Variants in AFG2A observed in about 807,000 individuals in gnomAD.
The protein encoded by AFG2A is AAA ATPase AFG2A.
At chr4:123,059,479 G>T in the AFG2A span, among the ~76,000 whole-genome samples, 4 of 151,896 alleles carry the variant, frequency 2.6e-5, no homozygotes, top group South Asian at 4.2e-4. Flanking sequence ...CAAAGGACAT[G>T]AACTCATCAT....
chr4:123,136,450 C>T, the AFG2A span, among the ~76,000 whole-genome samples: 3 of 151,714 alleles, frequency 2.0e-5, no homozygotes, highest in East Asian at 3.9e-4. Context: ...GGGCGGATCA[C>T]GAGGTCAGGA....
chr4:123,172,586 A>T, the AFG2A span, among the ~76,000 whole-genome samples: 1 of 152,220 alleles, frequency 6.6e-6, no homozygotes, highest in African/African-American at 2.4e-5. Flanking sequence ...ATGATTCAGG[A>T]ACTGGGTTCA....
At chr4:123,251,277 C>T in the AFG2A span, among the ~76,000 whole-genome samples, 5 of 152,124 alleles carry the variant, frequency 3.3e-5, no homozygotes, top group Non-Finnish European at 7.4e-5. Flanking sequence ...AATAACCAAG[C>T]TCTCCAAGGC....
chr4:123,199,575 G>A, the AFG2A span, among the ~76,000 whole-genome samples: 1 of 145,320 alleles, frequency 6.9e-6, no homozygotes, highest in Non-Finnish European at 1.5e-5. Context: ...GGGTTCAAGC[G>A]ATTCTCCCAC....
chr4:123,123,676 G>A, the AFG2A span, among the ~76,000 whole-genome samples: 1 of 151,918 alleles, frequency 6.6e-6, no homozygotes. Context: ...GGCCGGGCGC[G>A]GTGGCTCACG....
At chr4:123,057,232 G>T in the AFG2A span, 1 of 1,613,886 alleles carries the variant, frequency 6.2e-7, no homozygotes, top group Non-Finnish European at 8.5e-7. Flanking sequence ...CAAGAGCAGT[G>T]GCGCCTTCCA....
At chr4:122,979,431 C>T in the AFG2A span, 3 of 1,569,168 alleles carry the variant, frequency 1.9e-6, no homozygotes, top group Non-Finnish European at 2.6e-6. Context: ...TTGAATTAAA[C>T]TCTGAAAAAA....
the AFG2A span, among the ~76,000 whole-genome samples, chr4:123,075,146 A>G: frequency 6.6e-6 from 1 of 151,164 alleles, no homozygotes; most frequent in East Asian, 2.0e-4. Context: ...GGGTTTCACC[A>G]TGTTGGCCAG....
chr4:123,318,776 AGGG>A, the AFG2A span: 1 of 57,366 alleles, frequency 1.7e-5, no homozygotes, highest in African/African-American at 3.7e-5. Flanking sequence ...AAAAAAAAAA[AGGG>A]GGGAACAGTG....
the AFG2A span, among the ~76,000 whole-genome samples, chr4:123,125,564 C>T: frequency 6.6e-6 from 1 of 152,184 alleles, no homozygotes; most frequent in East Asian, 1.9e-4. Context: ...TCACCAGTGA[C>T]TACTGAACAA....
the AFG2A span, among the ~76,000 whole-genome samples, chr4:123,296,758 AAAATATTAAG>A: frequency 6.6e-6 from 1 of 152,214 alleles, no homozygotes; most frequent in Non-Finnish European, 1.5e-5. Context: ...CTATCGTTAA[AAAATATTAAG>A]AAGAAAACAA....
chr4:123,133,148 G>A, the AFG2A span, among the ~76,000 whole-genome samples: 1 of 152,164 alleles, frequency 6.6e-6, no homozygotes, highest in Non-Finnish European at 1.5e-5. Context: ...AAGATAATGG[G>A]TTTGTTCGAG....
the AFG2A span, among the ~76,000 whole-genome samples, chr4:123,078,139 T>C: frequency 6.8e-6 from 1 of 147,488 alleles, no homozygotes. Context: ...TTCTGCTAGA[T>C]TGTTCCTGTT....
chr4:123,022,824 G>A, the AFG2A span, among the ~76,000 whole-genome samples: 2 of 151,992 alleles, frequency 1.3e-5, no homozygotes, highest in African/African-American at 4.8e-5. Flanking sequence ...AGAAAATGTG[G>A]CACATATACA....
At chr4:123,166,636 A>G in the AFG2A span, among the ~76,000 whole-genome samples, 3 of 152,188 alleles carry the variant, frequency 2.0e-5, no homozygotes, top group African/African-American at 4.8e-5. Flanking sequence ...CGTTGGTTAT[A>G]TACTCAGCTC....
At chr4:123,277,291 G>T in the AFG2A span, among the ~76,000 whole-genome samples, 3 of 151,990 alleles carry the variant, frequency 2.0e-5, no homozygotes, top group African/African-American at 7.2e-5. Context: ...GGATGTTTTT[G>T]GTGTATATCA....
At chr4:123,298,181 G>A in the AFG2A span, among the ~76,000 whole-genome samples, 1 of 152,234 alleles carries the variant, frequency 6.6e-6, no homozygotes, top group East Asian at 1.9e-4. Context: ...CCTCATCATA[G>A]TGACAACTAG....
At chr4:123,115,017 C>T in the AFG2A span, among the ~76,000 whole-genome samples, 2 of 152,182 alleles carry the variant, frequency 1.3e-5, no homozygotes, top group African/African-American at 2.4e-5. Context: ...GGAGGTGGCA[C>T]AGTCCACCTT....
the AFG2A span, among the ~76,000 whole-genome samples, chr4:122,992,595 G>A: frequency 5.9e-5 from 9 of 152,056 alleles, no homozygotes; most frequent in Non-Finnish European, 1.2e-4. Flanking sequence ...TAGTATAGTG[G>A]GCATTTAGCA....
Sources: gnomAD v4.1 joint callset for allele counts (sites outside exome capture counted in the v4.1 genomes callset) on GRCh38, gnomAD v4.1.1 for gene constraint, MANE v1.5 for transcripts, NCBI Gene and HGNC (gene_info 2026-07-23, HGNC 2026-07-21) for gene names.